Variants in PHACTR1 observed in about 807,000 individuals in gnomAD.
PHACTR1 encodes RPEL repeat containing 1.
PHACTR1 carries 16 observed loss-of-function variants against 69.2 expected under a neutral mutation model. The observed-to-expected ratio is 0.23, with a 90% CI of 0.16 to 0.35. PHACTR1 has a LOEUF of 0.35. Among genes scored for constraint, PHACTR1 ranks in the 10% least tolerant of loss-of-function variants. PHACTR1 has a pLI of 1.00. For synonymous variants in PHACTR1, 312 were observed against 284.5 expected, an observed-to-expected ratio of 1.10 and a Z score of -0.97; for missense variants, 510 against 734.7, an observed-to-expected ratio of 0.69 and a Z score of 3.54.
intron 4 of PHACTR1, among the ~76,000 whole-genome samples, chr6:12,891,605 A>G (rs998977132): frequency 1.3e-5 from 2 of 152,184 alleles, no homozygotes; most frequent in Non-Finnish European, 2.9e-5. Flanking sequence ...AAAAGCCTTT[A>G]TGATCCCCCT....
At chr6:13,203,584 G>A (rs1431168963) in intron 7 of PHACTR1, among the ~76,000 whole-genome samples, 1 of 152,188 alleles carries the variant, frequency 6.6e-6, no homozygotes, top group Non-Finnish European at 1.5e-5. Context: ...TCTTTCCACA[G>A]AGTGGGAAGA....
chr6:13,008,651 A>AAC (rs140053231), intron 4 of PHACTR1, among the ~76,000 whole-genome samples: 2 of 152,140 alleles, frequency 1.3e-5, no homozygotes, highest in South Asian at 2.1e-4. Flanking sequence ...CAACAACAAC[A>AAC]ACACACACAC....
intron 4 of PHACTR1, among the ~76,000 whole-genome samples, chr6:12,857,393 C>T (rs970020951): frequency 2.0e-5 from 3 of 152,106 alleles, no homozygotes; most frequent in Non-Finnish European, 2.9e-5. Context: ...CAGAGGATCA[C>T]GAGGTCAAGA....
chr6:12,850,301 C>T (rs971000305), intron 4 of PHACTR1, among the ~76,000 whole-genome samples: 1 of 152,222 alleles, frequency 6.6e-6, no homozygotes, highest in Admixed American at 6.5e-5. Flanking sequence ...CTACATTCAC[C>T]ACAGATACTG....
At chr6:12,958,113 T>A (rs1319044924) in intron 4 of PHACTR1, 1 of 845,078 alleles carries the variant, frequency 1.2e-6, no homozygotes, top group Non-Finnish European at 1.4e-6. Flanking sequence ...GTTTTATGCT[T>A]TGTTCGGTTT....
chr6:12,924,618 C>CA (rs201494852), intron 4 of PHACTR1, among the ~76,000 whole-genome samples: 1,975 of 151,706 alleles, frequency 0.013, 48 homozygotes, highest in African/African-American at 0.045. Context: ...ACTAAAAATA[C>CA]AAAAAATTAG....
chr6:13,159,137 T>TA (rs1758615012), intron 5 of PHACTR1, among the ~76,000 whole-genome samples: 1 of 152,180 alleles, frequency 6.6e-6, no homozygotes, highest in Non-Finnish European at 1.5e-5. Flanking sequence ...CACCCACTGT[T>TA]ACCTCTTCCT....
intron 4 of PHACTR1, among the ~76,000 whole-genome samples, chr6:12,996,688 A>G (rs1276652518): frequency 1.3e-5 from 2 of 152,220 alleles, no homozygotes; most frequent in Non-Finnish European, 2.9e-5. Flanking sequence ...CAATAGAAAG[A>G]GAAGGAATGT....
chr6:12,944,789 T>TTATTTA (rs1425450746), intron 4 of PHACTR1, among the ~76,000 whole-genome samples: 1,428 of 55,142 alleles, frequency 0.026, 20 homozygotes, highest in African/African-American at 0.06. Flanking sequence ...TTTTATTTAT[T>TTATTTA]TTTTTTTTTT....
intron 8 of PHACTR1, among the ~76,000 whole-genome samples, chr6:13,206,673 C>A (rs1303192281): frequency 2.0e-5 from 3 of 152,172 alleles, no homozygotes; most frequent in African/African-American, 7.2e-5. Context: ...CGGGTGGTGG[C>A]TAGCCAGAGC....
chr6:12,908,468 A>G (rs1441628650), intron 4 of PHACTR1, among the ~76,000 whole-genome samples: 2 of 152,164 alleles, frequency 1.3e-5, no homozygotes, highest in East Asian at 1.9e-4. Flanking sequence ...GCATACGTGG[A>G]AAGAATAATA....
At position 13,230,997 on chromosome 6, in the gene PHACTR1, C is replaced by CAGAGAG. The variant is rs36074569; in HGVS notation, c.1391+818_1391+823dup. Among the ~76,000 whole-genome samples the CAGAGAG allele has an allele frequency of 1.1e-3, 129 of 113,412 alleles. 8 individuals carry two copies. The highest frequency in any genetic ancestry group is 3.6e-3 in the South Asian group (12 of 3,318). 74.4% of individuals were successfully genotyped at this position (113,412 alleles called of 152,430 possible). A position where few individuals can be genotyped will look rare whatever the true frequency, so the allele number is the denominator to read the frequency against. ...TGCCACTGCACTCCAGCCCAGGTGACAGAGAGAGAGAGAGAGAGAAGGAAA... is the reference window on the plus strand; with the variant it reads ...TGCCACTGCACTCCAGCCCAGGTGACAGAGAGAGAGAGAGAGAGAGAGAGAAGGAAA... On this transcript the variant is annotated intron_variant, in intron 10 of 14. Transcript: ENST00000332995.
intron 3 of PHACTR1, among the ~76,000 whole-genome samples, chr6:12,737,600 T>TTC (rs1432106759): frequency 6.1e-5 from 9 of 147,414 alleles, no homozygotes; most frequent in Admixed American, 4.1e-4. Flanking sequence ...CTTTCTTTCT[T>TTC]TTTTTTTTTT....
chr6:12,870,295 A>G (rs1781898122), intron 4 of PHACTR1, among the ~76,000 whole-genome samples: 1 of 152,204 alleles, frequency 6.6e-6, no homozygotes, highest in South Asian at 2.1e-4. Context: ...ATTTCAGGCA[A>G]AGAAATACAT....
At chr6:13,188,348 A>G (rs1763080467) in intron 7 of PHACTR1, among the ~76,000 whole-genome samples, 1 of 152,212 alleles carries the variant, frequency 6.6e-6, no homozygotes, top group Non-Finnish European at 1.5e-5. Context: ...CTGTTCTGTT[A>G]CTAATTGCTC....
chr6:13,240,562 T>A (rs1772687152), intron 10 of PHACTR1, among the ~76,000 whole-genome samples: 1 of 152,238 alleles, frequency 6.6e-6, no homozygotes, highest in Admixed American at 6.5e-5. Context: ...TTGTCGTGCC[T>A]CAGCCTCCCA....
chr6:12,798,265 A>C (rs1275390441), intron 4 of PHACTR1, among the ~76,000 whole-genome samples: 1 of 152,184 alleles, frequency 6.6e-6, no homozygotes, highest in South Asian at 2.1e-4. Flanking sequence ...CTGGAGGTTG[A>C]GTGGATATTT....
At chr6:12,780,641 G>A (rs945704696) in intron 4 of PHACTR1, among the ~76,000 whole-genome samples, 10 of 152,166 alleles carry the variant, frequency 6.6e-5, no homozygotes, top group Admixed American at 3.9e-4. Context: ...AACTCTGAGC[G>A]TAAACAGCGA....
intron 5 of PHACTR1, among the ~76,000 whole-genome samples, chr6:13,105,909 A>G (rs368691512): frequency 6.6e-6 from 1 of 152,156 alleles, no homozygotes; most frequent in Non-Finnish European, 1.5e-5. Context: ...GGGCTGATAT[A>G]AAGTTGTTTA....
Sources: allele counts gnomAD v4.1 joint callset (sites outside exome capture counted in the v4.1 genomes callset), GRCh38; gene constraint gnomAD v4.1.1; transcripts MANE v1.5; gene names NCBI Gene and HGNC (gene_info 2026-07-23, HGNC 2026-07-21).